The following TGFBRAP1 variants were observed in gnomAD, a reference collection of about 807,000 sequenced individuals.
TGFBRAP1 encodes the protein transforming growth factor beta receptor associated protein 1.
TGFBRAP1 carries 20 observed loss-of-function variants against 83.2 expected under a neutral mutation model. The ratio of observed to expected loss-of-function variants is 0.24; its 90% CI spans 0.17 to 0.35. TGFBRAP1 has a LOEUF of 0.35. Ranked by LOEUF, TGFBRAP1 falls within the 10% of genes least tolerant of loss-of-function variation. The pLI is 1.00. For synonymous variants in TGFBRAP1, 415 were observed against 459.8 expected (o/e 0.90, Z 1.25); for missense variants, 950 against 1,099.4 (o/e 0.86, Z 1.92).
At chr2:105,281,436 CCA>C (rs1207459348) in intron 5 of TGFBRAP1, among the ~76,000 whole-genome samples, 1 of 152,130 alleles carries the variant, frequency 6.6e-6, no homozygotes, top group South Asian at 2.1e-4. Flanking sequence ...CCACCCCACC[CCA>C]GACACATGGA....
intron 4 of TGFBRAP1, among the ~76,000 whole-genome samples, chr2:105,285,940 C>G (rs1331328097): frequency 6.6e-6 from 1 of 152,182 alleles, no homozygotes; most frequent in African/African-American, 2.4e-5. Context: ...CCTGGGAATG[C>G]CAGTAACATT....
At chr2:105,256,236 T>C in the TGFBRAP1 span, among the ~76,000 whole-genome samples, 4 of 152,198 alleles carry the variant, frequency 2.6e-5, no homozygotes, top group African/African-American at 9.6e-5. Flanking sequence ...ATACTTGTAT[T>C]ATTTTGCTTA....
chr2:105,318,005 TGAG>T (rs1343240345), intron 1 of TGFBRAP1, among the ~76,000 whole-genome samples: 1 of 152,124 alleles, frequency 6.6e-6, no homozygotes, highest in African/African-American at 2.4e-5. Flanking sequence ...CACAGCACAA[TGAG>T]GAGGCTCCAC....
At chr2:105,305,333 T>C (rs1445545050) in intron 2 of TGFBRAP1, among the ~76,000 whole-genome samples, 1 of 152,164 alleles carries the variant, frequency 6.6e-6, no homozygotes, top group Non-Finnish European at 1.5e-5. Flanking sequence ...TTGCCAAGGA[T>C]AAAAAATACC....
intron 3 of TGFBRAP1, 71 bp from the exon 4 acceptor site, chr2:105,296,581 C>A: frequency 6.6e-7 from 1 of 1,517,890 alleles, no homozygotes; most frequent in South Asian, 1.3e-5. Context: ...CTGCTTTCCC[C>A]AAACTGGATC....
intron 4 of TGFBRAP1, among the ~76,000 whole-genome samples, chr2:105,293,471 G>A (rs966769290): frequency 5.3e-5 from 8 of 152,112 alleles, no homozygotes; most frequent in African/African-American, 1.9e-4. Context: ...TCAGAGAAGC[G>A]AAACCAGCCC....
chr2:105,263,733 A>T (rs1372017724), downstream of TGFBRAP1, among the ~76,000 whole-genome samples: 1 of 152,116 alleles, frequency 6.6e-6, no homozygotes, highest in East Asian at 1.9e-4. Flanking sequence ...TATATTTTTT[A>T]AATTAGCTGG....
downstream of TGFBRAP1, among the ~76,000 whole-genome samples, chr2:105,263,354 C>T (rs1047787454): frequency 6.6e-5 from 10 of 152,248 alleles, no homozygotes; most frequent in African/African-American, 2.4e-4. Context: ...TGCGAGTCCA[C>T]CCTGGGCTGT....
chr2:105,293,971 T>C lies in TGFBRAP1; in HGVS notation c.1038+2385A>G, dbSNP rs73945081. Among the ~76,000 whole-genome samples, 1,169 of 152,186 alleles carry C rather than the reference T, an allele frequency of 7.7e-3. 14 individuals are homozygous for C. Among genetic ancestry groups the C allele is most frequent in the African/African-American group, 0.026 (1,094 of 41,514 alleles). On this transcript the variant is annotated intron_variant, in intron 4 of 11. Coordinates refer to ENST00000393359, the MANE Select transcript of TGFBRAP1 (RefSeq NM_004257.6). ...TGCCCAGAGGAAAGGGAAGGCTTAG[T>C]GAAGAGGAGATATTTATGCGAGGTA... is the stretch of plus-strand genomic sequence containing the variant.
intron 1 of TGFBRAP1, among the ~76,000 whole-genome samples, chr2:105,314,955 A>G (rs1337233494): frequency 6.6e-5 from 10 of 151,604 alleles, no homozygotes; most frequent in Non-Finnish European, 1.5e-4. Flanking sequence ...GTCTCAAAAA[A>G]AAAAAAAAAA....
At chr2:105,291,056 G>C (rs1677895680) in intron 4 of TGFBRAP1, among the ~76,000 whole-genome samples, 1 of 152,080 alleles carries the variant, frequency 6.6e-6, no homozygotes, top group African/African-American at 2.4e-5. Context: ...CTGGGAAGGT[G>C]GTGGCTGTTA....
chr2:105,253,331 C>G, the TGFBRAP1 span, among the ~76,000 whole-genome samples: 1 of 152,068 alleles, frequency 6.6e-6, no homozygotes, highest in Non-Finnish European at 1.5e-5. Flanking sequence ...CAGGGTTTCA[C>G]CATGTTGGCC....
At chr2:105,258,730 T>TACACACACACACACAC in the TGFBRAP1 span, among the ~76,000 whole-genome samples, 90 of 140,610 alleles carry the variant, frequency 6.4e-4, no homozygotes, top group African/African-American at 2.3e-3. Context: ...TCCCCACCCC[T>TACACACACACACACAC]ACACACACAC....
chr2:105,262,164 G>T (rs888223202), downstream of TGFBRAP1, among the ~76,000 whole-genome samples: 2 of 152,184 alleles, frequency 1.3e-5, no homozygotes, highest in Non-Finnish European at 2.9e-5. Flanking sequence ...TATGGACGAT[G>T]CCACTGATAT....
At chr2:105,278,401 G>A (rs544772149) in intron 6 of TGFBRAP1, among the ~76,000 whole-genome samples, 10 of 152,172 alleles carry the variant, frequency 6.6e-5, no homozygotes, top group Non-Finnish European at 1.3e-4. Flanking sequence ...GAGGGCAGGG[G>A]CTCTGAACAT....
chr2:105,300,201 G>A (rs1008658455), intron 2 of TGFBRAP1, among the ~76,000 whole-genome samples: 11 of 152,250 alleles, frequency 7.2e-5, no homozygotes, highest in Admixed American at 3.3e-4. Context: ...TTAAAGTCTG[G>A]TGGTTACTAT....
rs201941079 is a variant in TGFBRAP1 at position 105,308,274 on chromosome 2, C to T, written c.28G>A (p.Val10Ile). The change falls in exon 2 of 12, where the codon GTC (valine) becomes ATC (isoleucine). Residue 10 changes from valine (V) to isoleucine (I), a missense_variant. Coordinates refer to ENST00000393359, the MANE Select transcript of TGFBRAP1 (RefSeq NM_004257.6). ...AGCAGCTCCCGCTCCACAGCAGAGA[C>T]AAGCGTAAAGGCTTTGATGCTCATC... MMSIKAFTLVSAVERELLMG... is the reference protein window; with the variant it reads MMSIKAFTLISAVERELLMG... 6.2e-6 allele frequency: 10 copies of T among 1,613,672 alleles called. No individual in the cohort carries two copies. Among genetic ancestry groups the T allele is most frequent in the Admixed American group, 3.3e-5 (2 of 60,000 alleles).
At chr2:105,271,961 CTTG>C (rs1160374020) in intron 10 of TGFBRAP1, among the ~76,000 whole-genome samples, 9 of 152,114 alleles carry the variant, frequency 5.9e-5, no homozygotes, top group African/African-American at 1.9e-4. Flanking sequence ...TTTGGTGCTT[CTTG>C]TTGGTGATTT....
chr2:105,319,070 T>TGC (rs908276597), intron 1 of TGFBRAP1, among the ~76,000 whole-genome samples: 2 of 151,542 alleles, frequency 1.3e-5, no homozygotes, highest in African/African-American at 4.9e-5. Flanking sequence ...TTTTTTTGTG[T>TGC]GTGTGTGTGA....
Sources: allele counts gnomAD v4.1 joint callset (sites outside exome capture counted in the v4.1 genomes callset), GRCh38; gene constraint gnomAD v4.1.1; transcripts MANE v1.5; gene names NCBI Gene and HGNC (gene_info 2026-07-23, HGNC 2026-07-21).